The following NYAP2 variants were observed in gnomAD, a reference collection of about 807,000 sequenced individuals.
NYAP2 encodes the protein neuronal tyrosine-phosphorylated phosphoinositide-3-kinase adapter 2.
A neutral mutation model predicts 50.4 loss-of-function variants in NYAP2; 23 were observed. The observed-to-expected ratio is 0.46, with a 90% CI of 0.33 to 0.65. The LOEUF (loss-of-function observed/expected upper bound fraction) is 0.65. Among genes scored for constraint, NYAP2 ranks in the 30% least tolerant of loss-of-function variants. The pLI is 0.02. For missense variants in NYAP2, 885 were observed against 861.0 expected, an observed-to-expected ratio of 1.03 and a Z score of -0.35; for synonymous variants, 394 against 365.2, an observed-to-expected ratio of 1.08 and a Z score of -0.90.
chr2:225,514,237 T>G (rs1690887548), intron 4 of NYAP2, among the ~76,000 whole-genome samples: 1 of 152,244 alleles, frequency 6.6e-6, no homozygotes, highest in African/African-American at 2.4e-5. Flanking sequence ...GCCTCCTTGC[T>G]GGTCTATGAA....
chr2:225,568,959 T>C (rs1230877488), intron 4 of NYAP2, among the ~76,000 whole-genome samples: 1 of 152,200 alleles, frequency 6.6e-6, no homozygotes, highest in Non-Finnish European at 1.5e-5. Flanking sequence ...CAAACTTTAT[T>C]TTAATGTGCA....
chr2:225,476,108 T>C (rs1162673468), intron 3 of NYAP2, among the ~76,000 whole-genome samples: 3 of 152,164 alleles, frequency 2.0e-5, no homozygotes, highest in Admixed American at 6.6e-5. Context: ...TTAGTCTTAA[T>C]AGAAGTCTAA....
chr2:225,410,778 T>G (rs1695025458), intron 3 of NYAP2, among the ~76,000 whole-genome samples: 1 of 152,108 alleles, frequency 6.6e-6, no homozygotes, highest in African/African-American at 2.4e-5. Context: ...CAAAAATGGC[T>G]AATTTTTAGG....
rs531883759 is a variant in NYAP2 at position 225,528,783 on chromosome 2, T to G, written c.523+15111T>G. Among the ~76,000 whole-genome samples the G allele has an allele frequency of 2.0e-5, 3 of 152,356 alleles. No homozygotes were observed. In the South Asian group the frequency reaches 6.2e-4, roughly 32 times the overall value. On this transcript the variant is annotated intron_variant, in intron 4 of 6. Coordinates refer to ENST00000636099, the Ensembl canonical transcript of NYAP2. ...ACCCCTGGATTGTAGGGATTGGTGA[T>G]GTTAATTTATGCTGTGTACCTTTCT...
intron 6 of NYAP2, among the ~76,000 whole-genome samples, chr2:225,628,321 T>G (rs1693247013): frequency 6.9e-6 from 1 of 145,824 alleles, no homozygotes; most frequent in Non-Finnish European, 1.5e-5. Flanking sequence ...CATAGTTTTT[T>G]TTTTTTTTTT....
At chr2:225,613,710 A>T (rs1363195826) in intron 5 of NYAP2, among the ~76,000 whole-genome samples, 1 of 152,194 alleles carries the variant, frequency 6.6e-6, no homozygotes, top group African/African-American at 2.4e-5. Flanking sequence ...TCCAATAGTA[A>T]CTAGAAGACA....
At chr2:225,546,452 C>G (rs1374066245) in intron 4 of NYAP2, among the ~76,000 whole-genome samples, 1 of 152,006 alleles carries the variant, frequency 6.6e-6, no homozygotes, top group Non-Finnish European at 1.5e-5. Flanking sequence ...GGAGCCTCTC[C>G]ACATGGTTAC....
At chr2:225,531,369 C>G (rs1020815655) in intron 4 of NYAP2, among the ~76,000 whole-genome samples, 2 of 152,210 alleles carry the variant, frequency 1.3e-5, no homozygotes, top group Admixed American at 1.3e-4. Context: ...ACTACCTTCT[C>G]TGTAATAACT....
At chr2:225,670,918 CA>C in the NYAP2 span, among the ~76,000 whole-genome samples, 1 of 152,032 alleles carries the variant, frequency 6.6e-6, no homozygotes, top group African/African-American at 2.4e-5. Context: ...TGTGTCTAAA[CA>C]ATGTACATAC....
Position 225,589,516 on chromosome 2 carries a change from A to AATATATATATATATATATATATATATAT in NYAP2, c.1618+6507_1618+6508insATATATATATATATATATATATATATAT, listed in dbSNP as rs71062993. 1.5e-3 allele frequency among the ~76,000 whole-genome samples: 108 copies of AATATATATATATATATATATATATATAT among 71,228 alleles called. 1 individual carries two copies. The highest frequency in any genetic ancestry group is 3.3e-3 in the African/African-American group (59 of 18,128). 46.7% of individuals were successfully genotyped at this position (71,228 alleles called of 152,430 possible). A position where few individuals can be genotyped will look rare whatever the true frequency, so the allele number is the denominator to read the frequency against. ...AAGACTATATCTCTACTAAAAGTAA[A>AATATATATATATATATATATATATATAT]ATATATATATATATATATATATATA... On this transcript the variant is annotated intron_variant, in intron 5 of 6. Coordinates refer to ENST00000636099, the Ensembl canonical transcript of NYAP2.
intron 5 of NYAP2, among the ~76,000 whole-genome samples, chr2:225,609,561 G>A (rs1401166655): frequency 6.6e-6 from 1 of 152,122 alleles, no homozygotes; most frequent in Admixed American, 6.5e-5. Context: ...ATATGGAGAA[G>A]TCTGTAAAAG....
intron 5 of NYAP2, among the ~76,000 whole-genome samples, chr2:225,617,138 A>T (rs759240430): frequency 1.3e-5 from 2 of 152,206 alleles, no homozygotes; most frequent in Non-Finnish European, 2.9e-5. Context: ...AGATTGTGAC[A>T]TTTCAAAAAT....
downstream of NYAP2, among the ~76,000 whole-genome samples, chr2:225,656,942 T>C (rs1323399670): frequency 6.6e-6 from 1 of 152,122 alleles, no homozygotes; most frequent in African/African-American, 2.4e-5. Context: ...GTCCTTAATA[T>C]TTCCAAAGCA....
At chr2:225,513,303 C>G (rs1690865471) in intron 3 of NYAP2, 68 bp from the exon 4 acceptor site, 3 of 1,424,336 alleles carry the variant, frequency 2.1e-6, no homozygotes, top group Admixed American at 1.9e-5. Context: ...GTAATATTCT[C>G]ACATGTATGA....
At chr2:225,549,318 T>A (rs746915506) in intron 4 of NYAP2, among the ~76,000 whole-genome samples, 4 of 152,242 alleles carry the variant, frequency 2.6e-5, no homozygotes, top group Non-Finnish European at 5.9e-5. Flanking sequence ...TTTACGTATC[T>A]GTTTCCAACT....
At chr2:225,701,243 A>G in the NYAP2 span, 1 of 151,836 alleles carries the variant, frequency 6.6e-6, no homozygotes, top group African/African-American at 2.4e-5. Flanking sequence ...AAAGTAATCA[A>G]CTGGGATACT....
At chr2:225,511,553 G>A (rs183578918) in intron 3 of NYAP2, among the ~76,000 whole-genome samples, 63 of 152,164 alleles carry the variant, frequency 4.1e-4, no homozygotes, top group East Asian at 2.1e-3. Context: ...ATGGTACTCC[G>A]TGCTTAGTGT....
At chr2:225,637,443 T>C (rs1402533034) in intron 6 of NYAP2, among the ~76,000 whole-genome samples, 10 of 152,194 alleles carry the variant, frequency 6.6e-5, no homozygotes, top group Non-Finnish European at 1.3e-4. Context: ...TGCCATTCTG[T>C]GCAGTCAGAT....
chr2:225,676,656 C>T, the NYAP2 span, among the ~76,000 whole-genome samples: 128 of 152,148 alleles, frequency 8.4e-4, no homozygotes, highest in African/African-American at 2.6e-3. Context: ...TTCACTATCA[C>T]GAGAACAGCA....
Sources: allele counts gnomAD v4.1 joint callset (sites outside exome capture counted in the v4.1 genomes callset), GRCh38; gene constraint gnomAD v4.1.1; transcripts MANE v1.5; gene names NCBI Gene and HGNC (gene_info 2026-07-23, HGNC 2026-07-21).